Variants in ENOX1 observed in about 807,000 individuals in gnomAD.
The protein encoded by ENOX1 is candidate growth-related and time keeping constitutive hydroquinone (NADH) oxidase.
A neutral mutation model predicts 82.5 loss-of-function variants in ENOX1; 42 were observed. The observed-to-expected ratio is 0.51, with a 90% confidence interval of 0.40 to 0.66. The LOEUF (loss-of-function observed/expected upper bound fraction) is 0.66. Among genes scored for constraint, ENOX1 ranks in the 30% least tolerant of loss-of-function variants. The pLI, the probability that ENOX1 is intolerant of heterozygous loss-of-function variation, is 0.00. For missense variants in ENOX1, 608 were observed against 811.6 expected, an observed-to-expected ratio of 0.75 and a Z score of 3.05; for synonymous variants, 271 against 282.2, an observed-to-expected ratio of 0.96 and a Z score of 0.40.
chr13:43,278,010 A>C (rs2045157846), intron 12 of ENOX1, among the ~76,000 whole-genome samples: 1 of 152,190 alleles, frequency 6.6e-6, no homozygotes, highest in East Asian at 1.9e-4. Flanking sequence ...TTAAGCAGGT[A>C]CAATTGTACA....
At chr13:43,226,126 T>G (rs138563077) in intron 15 of ENOX1, among the ~76,000 whole-genome samples, 28 of 152,318 alleles carry the variant, frequency 1.8e-4, no homozygotes, top group African/African-American at 6.7e-4. Context: ...TCCCTGTAAC[T>G]GAAATTCTCA....
intron 12 of ENOX1, among the ~76,000 whole-genome samples, chr13:43,273,161 C>A (rs2044792154): frequency 6.6e-6 from 1 of 152,186 alleles, no homozygotes; most frequent in Non-Finnish European, 1.5e-5. Flanking sequence ...CCCAACCAGT[C>A]TAAACGTCTT....
At chr13:43,706,764 T>TA (rs1447789447) in intron 1 of ENOX1, among the ~76,000 whole-genome samples, 9 of 151,462 alleles carry the variant, frequency 5.9e-5, no homozygotes, top group East Asian at 3.9e-4. Flanking sequence ...TAAAACTATC[T>TA]AAAAAAAATC....
chr13:43,766,926 T>A (rs868761228), intron 1 of ENOX1, among the ~76,000 whole-genome samples: 1 of 151,438 alleles, frequency 6.6e-6, no homozygotes, highest in Non-Finnish European at 1.5e-5. Context: ...CCAAAGAGAT[T>A]CACGCTCTCA....
At position 43,749,145 on chromosome 13, in the gene ENOX1, G is replaced by C. The variant is rs553761967; in HGVS notation, c.-285+37507C>G. Among the ~76,000 whole-genome samples, 5 of 152,332 alleles carry C rather than the reference G, an allele frequency of 3.3e-5. No homozygotes were observed. In the South Asian group the frequency reaches 1.0e-3, roughly 32 times the overall value. Reference sequence around the variant, plus strand: ...TAATTATGTAATAGTTTCACGTCAAGTTACACAGGAGTCTTTCTTCCTCTT... The same window carrying C: ...TAATTATGTAATAGTTTCACGTCAACTTACACAGGAGTCTTTCTTCCTCTT... On this transcript the variant is annotated intron_variant, in intron 1 of 16. Transcript: ENST00000690772.
intron 5 of ENOX1, among the ~76,000 whole-genome samples, chr13:43,381,520 G>A (rs1422268637): frequency 7.0e-6 from 1 of 143,060 alleles, no homozygotes; most frequent in African/African-American, 2.5e-5. Context: ...CCTGAAATAA[G>A]CAGAAAAAAA....
intron 2 of ENOX1, among the ~76,000 whole-genome samples, chr13:43,528,731 C>T (rs924184177): frequency 2.0e-5 from 3 of 151,992 alleles, no homozygotes; most frequent in Admixed American, 1.3e-4. Context: ...AAGTTTTCCA[C>T]GAGAATTTTA....
intron 1 of ENOX1, among the ~76,000 whole-genome samples, chr13:43,703,317 T>C (rs1446862137): frequency 1.3e-5 from 2 of 152,156 alleles, no homozygotes; most frequent in African/African-American, 4.8e-5. Context: ...ATAAAGAGTA[T>C]GGAATAGACA....
At chr13:43,403,293 C>T (rs1016610928) in intron 5 of ENOX1, among the ~76,000 whole-genome samples, 2 of 151,952 alleles carry the variant, frequency 1.3e-5, no homozygotes, top group African/African-American at 4.8e-5. Context: ...ATTAATAATT[C>T]AGAAGAGGTC....
intron 3 of ENOX1, among the ~76,000 whole-genome samples, chr13:43,421,971 A>T (rs2055003698): frequency 6.6e-6 from 1 of 151,718 alleles, no homozygotes; most frequent in African/African-American, 2.4e-5. Flanking sequence ...AAAGGAAAAG[A>T]AGGAAATAAT....
chr13:43,719,508 T>C (rs531453943), intron 1 of ENOX1, among the ~76,000 whole-genome samples: 2 of 152,236 alleles, frequency 1.3e-5, no homozygotes, highest in East Asian at 3.9e-4. Context: ...TAATCAATGC[T>C]GTGGCTGGAA....
Position 43,346,003 on chromosome 13 carries a change from T to C in ENOX1, c.824-1253A>G, listed in dbSNP as rs530754049. ...ACATGAATAGACAGGGGGAGATGCA[T>C]GCTTGAGAAAAAGATTTCGTTTCAC... On this transcript the variant is annotated intron_variant, in intron 8 of 16. Transcript: ENST00000690772. Among the ~76,000 whole-genome samples the C allele has an allele frequency of 7.3e-4, 111 of 152,302 alleles. 1 individual carries two copies. Among genetic ancestry groups the C allele is most frequent in the Non-Finnish European group, 2.6e-4 (18 of 68,024 alleles).
chr13:43,482,822 A>G (rs2153656723), intron 3 of ENOX1, among the ~76,000 whole-genome samples: 1 of 152,224 alleles, frequency 6.6e-6, no homozygotes, highest in Non-Finnish European at 1.5e-5. Context: ...TTCTATGGAT[A>G]CAGTTATTAG....
intron 12 of ENOX1, among the ~76,000 whole-genome samples, chr13:43,272,683 A>C (rs1013813653): frequency 6.6e-6 from 1 of 152,164 alleles, no homozygotes; most frequent in South Asian, 2.1e-4. Flanking sequence ...ATTATCTGTG[A>C]AGATTTTCAA....
At chr13:43,643,505 G>C (rs552077679) in intron 2 of ENOX1, among the ~76,000 whole-genome samples, 2 of 151,984 alleles carry the variant, frequency 1.3e-5, no homozygotes, top group East Asian at 3.9e-4. Flanking sequence ...AAAAGTTTAG[G>C]CATATGGCAA....
intron 2 of ENOX1, among the ~76,000 whole-genome samples, chr13:43,548,463 G>T (rs536132593): frequency 6.6e-6 from 1 of 152,296 alleles, no homozygotes; most frequent in African/African-American, 2.4e-5. Flanking sequence ...TCTTAATTCT[G>T]CTGCCCTCTG....
At chr13:43,771,672 T>C (rs1328701970) in intron 1 of ENOX1, among the ~76,000 whole-genome samples, 1 of 152,110 alleles carries the variant, frequency 6.6e-6, no homozygotes, top group Non-Finnish European at 1.5e-5. Context: ...AAATCTCTAT[T>C]TGTTTACTGG....
chr13:43,620,651 A>G (rs557729648), intron 2 of ENOX1, among the ~76,000 whole-genome samples: 1 of 152,254 alleles, frequency 6.6e-6, no homozygotes, highest in East Asian at 1.9e-4. Flanking sequence ...ATTAAGGCTC[A>G]TTTTATGGCC....
At chr13:43,351,391 T>A (rs1397498785) in intron 8 of ENOX1, among the ~76,000 whole-genome samples, 2 of 146,484 alleles carry the variant, frequency 1.4e-5, no homozygotes, top group African/African-American at 5.1e-5. Context: ...GCAAAATATT[T>A]CTTTTTATTT....
Sources: allele counts gnomAD v4.1 joint callset (sites outside exome capture counted in the v4.1 genomes callset), GRCh38; gene constraint gnomAD v4.1.1; transcripts MANE v1.5; gene names NCBI Gene and HGNC (gene_info 2026-07-23, HGNC 2026-07-21).